PIK3C2G: variants seen among roughly 807,000 people sequenced by gnomAD.
PIK3C2G encodes the protein phosphatidylinositol-4-phosphate 3-kinase catalytic subunit type 2 gamma.
In PIK3C2G, 168 loss-of-function variants were observed where a neutral mutation model predicts 181.1. The observed-to-expected ratio is 0.93, with a 90% CI of 0.82 to 1.05. The LOEUF (loss-of-function observed/expected upper bound fraction) is 1.05. Ranked by LOEUF, PIK3C2G falls within the 50% of genes least tolerant of loss-of-function variation. The pLI, the probability that PIK3C2G is intolerant of heterozygous loss-of-function variation, is 0.00. For synonymous variants in PIK3C2G, 573 were observed against 592.2 expected (o/e 0.97, Z 0.47); for missense variants, 1,869 against 1,732.8 (o/e 1.08, Z -1.40).
At chr12:18,626,630 G>A (rs566632783) in intron 31 of PIK3C2G, among the ~76,000 whole-genome samples, 3 of 151,914 alleles carry the variant, frequency 2.0e-5, no homozygotes, top group Non-Finnish European at 4.4e-5. Context: ...TGGTTTGTCT[G>A]GGAAAGTTTT....
chr12:18,490,534 C>A (rs377248181), intron 19 of PIK3C2G, among the ~76,000 whole-genome samples: 1 of 152,126 alleles, frequency 6.6e-6, no homozygotes, highest in Non-Finnish European at 1.5e-5. Context: ...GCACTGACGA[C>A]CCTTCTCAGC....
rs537683202 is a variant in PIK3C2G at position 18,505,283 on chromosome 12, A to G, written c.3154-9A>G. 28 of 1,568,054 alleles carry G rather than the reference A, an allele frequency of 1.8e-5. No individual in the cohort carries two copies. The South Asian group carries it at 2.3e-4, about 13-fold the overall frequency. On this transcript the variant is annotated splice_polypyrimidine_tract_variant and intron_variant, in intron 23 of 32. Transcript: ENST00000538779. ...GTTATTTTTGCATGATTGTTTTTCAATGAATTAGGCCTTGAGGAACTTTTT... is the reference window on the plus strand; with the variant it reads ...GTTATTTTTGCATGATTGTTTTTCAGTGAATTAGGCCTTGAGGAACTTTTT...
At chr12:18,332,860 C>A (rs755815173) in intron 8 of PIK3C2G, among the ~76,000 whole-genome samples, 10 of 152,080 alleles carry the variant, frequency 6.6e-5, no homozygotes, top group Non-Finnish European at 1.2e-4. Context: ...ACCTACACAC[C>A]TGAGCCACCG....
chr12:18,650,967 C>T (rs1053544690), downstream of PIK3C2G, among the ~76,000 whole-genome samples: 2 of 151,620 alleles, frequency 1.3e-5, no homozygotes, highest in Non-Finnish European at 2.9e-5. Context: ...CTCAACACAG[C>T]AATGGGAATG....
chr12:18,253,357 T>G (rs894816557), intron 1 of PIK3C2G, among the ~76,000 whole-genome samples: 88 of 152,154 alleles, frequency 5.8e-4, no homozygotes, highest in African/African-American at 2.1e-3. Context: ...AGAAGCAGGA[T>G]CAAGACCTAT....
Position 18,521,156 on chromosome 12 carries a change from A to C in PIK3C2G, c.3323+15695A>C, listed in dbSNP as rs189156417. Among the ~76,000 whole-genome samples the C allele has an allele frequency of 3.9e-3, 598 of 151,984 alleles. 2 individuals carry two copies. Among genetic ancestry groups the C allele is most frequent in the Non-Finnish European group, 6.5e-3 (441 of 67,962 alleles). On this transcript the variant is annotated intron_variant, in intron 24 of 32. Coordinates refer to ENST00000538779, the MANE Select transcript of PIK3C2G (RefSeq NM_001288772.2). The stretch of plus-strand genomic sequence containing the variant: ...GGATTTCTGACCTTGAGGGGCACTG[A>C]CCTGATGCCATTAGGAATGCTCCTG...
chr12:18,636,206 C>A (rs1222841537), intron 31 of PIK3C2G, among the ~76,000 whole-genome samples: 1 of 152,104 alleles, frequency 6.6e-6, no homozygotes, highest in Non-Finnish European at 1.5e-5. Flanking sequence ...TGAAAGCAAA[C>A]TGCTTCTGGT....
At chr12:18,332,669 T>TC (rs1565607024) in intron 8 of PIK3C2G, among the ~76,000 whole-genome samples, 1 of 152,090 alleles carries the variant, frequency 6.6e-6, no homozygotes, top group South Asian at 2.1e-4. Context: ...GTCCTACTTC[T>TC]CCCCCAGAGA....
chr12:18,399,313 G>A (rs1168725453), intron 15 of PIK3C2G, among the ~76,000 whole-genome samples: 3 of 151,166 alleles, frequency 2.0e-5, no homozygotes, highest in Non-Finnish European at 4.4e-5. Context: ...AATAGGATGT[G>A]TCGCAGGATT....
At chr12:18,313,928 AG>A in intron 5 of PIK3C2G, 33 bp from the exon 6 acceptor site, 1 of 1,014,504 alleles carries the variant, frequency 9.9e-7, no homozygotes, top group Non-Finnish European at 1.5e-6. Flanking sequence ...ATATTATGGG[AG>A]GATATGATTG....
intron 5 of PIK3C2G, among the ~76,000 whole-genome samples, chr12:18,311,677 T>TATTCA (rs1282441283): frequency 2.0e-5 from 3 of 151,990 alleles, no homozygotes; most frequent in Non-Finnish European, 4.4e-5. Context: ...ATACTAAAAA[T>TATTCA]ATTCACTCAT....
At chr12:18,290,467 G>A (rs1024057750) in intron 3 of PIK3C2G, among the ~76,000 whole-genome samples, 1 of 152,058 alleles carries the variant, frequency 6.6e-6, no homozygotes, top group Non-Finnish European at 1.5e-5. Context: ...TGAATGACTC[G>A]CAGCTTGACA....
intron 24 of PIK3C2G, among the ~76,000 whole-genome samples, chr12:18,522,338 G>C (rs572185121): frequency 2.0e-5 from 3 of 152,284 alleles, no homozygotes; most frequent in East Asian, 3.9e-4. Context: ...TTATACCATT[G>C]AGCCTTTTTT....
chr12:18,363,502 G>C (rs1359666915), intron 12 of PIK3C2G, among the ~76,000 whole-genome samples: 1 of 151,748 alleles, frequency 6.6e-6, no homozygotes, highest in African/African-American at 2.4e-5. Flanking sequence ...AACCCCAGGG[G>C]GCTCATCAGC....
intron 24 of PIK3C2G, among the ~76,000 whole-genome samples, chr12:18,507,796 A>G (rs1941937410): frequency 6.6e-6 from 1 of 152,218 alleles, no homozygotes; most frequent in Non-Finnish European, 1.5e-5. Context: ...GCTCTACAGA[A>G]AAAGTTCCAG....
At chr12:18,451,145 G>A (rs1229982856) in intron 18 of PIK3C2G, among the ~76,000 whole-genome samples, 1 of 152,214 alleles carries the variant, frequency 6.6e-6, no homozygotes, top group East Asian at 1.9e-4. Flanking sequence ...GAATAACATT[G>A]AATCTACAAA....
At chr12:18,405,758 A>C (rs907223944) in intron 16 of PIK3C2G, among the ~76,000 whole-genome samples, 2 of 152,158 alleles carry the variant, frequency 1.3e-5, no homozygotes, top group African/African-American at 2.4e-5. Flanking sequence ...ATTTAGTTTT[A>C]ATTGACATAA....
At chr12:18,516,196 A>G (rs1346940745) in intron 24 of PIK3C2G, among the ~76,000 whole-genome samples, 1 of 151,924 alleles carries the variant, frequency 6.6e-6, no homozygotes, top group Non-Finnish European at 1.5e-5. Flanking sequence ...TTTTTCTAGA[A>G]AAGTCTTTGT....
chr12:18,610,315 T>G (rs1285014299), intron 31 of PIK3C2G, among the ~76,000 whole-genome samples: 1 of 152,040 alleles, frequency 6.6e-6, no homozygotes, highest in East Asian at 1.9e-4. Flanking sequence ...CTATATCAGG[T>G]GTGGAGAAAG....
Sources: allele counts gnomAD v4.1 joint callset (sites outside exome capture counted in the v4.1 genomes callset), GRCh38; gene constraint gnomAD v4.1.1; transcripts MANE v1.5; gene names NCBI Gene and HGNC (gene_info 2026-07-23, HGNC 2026-07-21).